The following KCNH1 variants were observed in gnomAD, a reference collection of about 807,000 sequenced individuals.
KCNH1 encodes the protein potassium voltage-gated channel subfamily H member 1, also known as voltage-gated delayed rectifier potassium channel KCNH1.
Under a neutral mutation model 69.2 loss-of-function variants are expected in KCNH1, and 27 were observed. The observed-to-expected ratio is 0.39, with a 90% CI of 0.29 to 0.54. The LOEUF (loss-of-function observed/expected upper bound fraction) is 0.54, where lower values mean the gene tolerates loss of function less well. Ranked by LOEUF, KCNH1 falls within the 20% of genes least tolerant of loss-of-function variation. KCNH1 has a pLI of 0.68. For missense variants in KCNH1, 798 were observed against 1,261.6 expected, an observed-to-expected ratio of 0.63 and a Z score of 5.57; for synonymous variants, 456 against 487.7, an observed-to-expected ratio of 0.93 and a Z score of 0.86.
intron 10 of KCNH1, among the ~76,000 whole-genome samples, chr1:210,736,636 A>C (rs1286619254): frequency 1.3e-5 from 2 of 152,218 alleles, no homozygotes; most frequent in Admixed American, 1.3e-4. Flanking sequence ...GATGGGAAAC[A>C]GATACAGAGA....
chr1:210,696,661 G>A (rs1467910690), intron 10 of KCNH1, among the ~76,000 whole-genome samples: 2 of 152,196 alleles, frequency 1.3e-5, no homozygotes, highest in African/African-American at 4.8e-5. Context: ...ACTGGCTAAT[G>A]TCACCCTTGC....
chr1:211,128,564 C>T (rs192755358), intron 1 of KCNH1, among the ~76,000 whole-genome samples: 117 of 152,072 alleles, frequency 7.7e-4, no homozygotes, highest in African/African-American at 2.7e-3. Flanking sequence ...ATCAGGAAGG[C>T]TTTGGGGGCT....
At chr1:210,985,720 G>A (rs1688817584) in intron 6 of KCNH1, among the ~76,000 whole-genome samples, 1 of 152,126 alleles carries the variant, frequency 6.6e-6, no homozygotes, top group Non-Finnish European at 1.5e-5. Context: ...GTCAATTTTG[G>A]AACAGGTGTG....
Position 211,018,737 on chromosome 1 carries a change from C to T in KCNH1, c.1032+46G>A, listed in dbSNP as rs184685041. On this transcript the variant is annotated intron_variant, in intron 6 of 10. Transcript: ENST00000271751. ...TTCTGTTGACCACCCACATTTAACT[C>T]AGTTTTAAAGACATGACAACAAGGT... The T allele has an allele frequency of 5.5e-6, 8 of 1,446,636 alleles. No homozygotes were observed. In the East Asian group the frequency reaches 1.6e-4, roughly 29 times the overall value. The allele number at this position is 1,446,636 out of a possible 1,614,324, so 89.6% of individuals were successfully genotyped here.
rs147994615 is a variant in KCNH1 at position 211,067,381 on chromosome 1, G to A, written c.558+15399C>T. Among the ~76,000 whole-genome samples, 246 of 152,300 alleles carry A rather than the reference G, an allele frequency of 1.6e-3. 1 individual carries two copies. Among genetic ancestry groups the A allele is most frequent in the African/African-American group, 5.7e-3 (235 of 41,566 alleles). On this transcript the variant is annotated intron_variant, in intron 5 of 10. Transcript: ENST00000271751. ...GAGCTTCCAGTGAGCACCCACCCACGACAAAGCAAGAAGGTGGCTAAGGGC... is the reference window on the plus strand; with the variant it reads ...GAGCTTCCAGTGAGCACCCACCCACAACAAAGCAAGAAGGTGGCTAAGGGC...
At chr1:210,879,510 T>A (rs1248252839) in intron 7 of KCNH1, among the ~76,000 whole-genome samples, 1 of 152,030 alleles carries the variant, frequency 6.6e-6, no homozygotes, top group South Asian at 2.1e-4. Flanking sequence ...AAAAATCACA[T>A]GATTATATCA....
At chr1:210,857,460 G>C (rs1416618915) in intron 7 of KCNH1, among the ~76,000 whole-genome samples, 1 of 152,070 alleles carries the variant, frequency 6.6e-6, no homozygotes, top group Non-Finnish European at 1.5e-5. Context: ...GCATGGGGGT[G>C]GGGGTGAGGG....
intron 6 of KCNH1, among the ~76,000 whole-genome samples, chr1:210,964,335 G>T (rs1259986716): frequency 6.6e-6 from 1 of 152,052 alleles, no homozygotes; most frequent in Non-Finnish European, 1.5e-5. Flanking sequence ...GCAAAATCAT[G>T]CCAAATTGTA....
intron 7 of KCNH1, among the ~76,000 whole-genome samples, chr1:210,826,623 T>C (rs1327428018): frequency 6.6e-6 from 1 of 152,214 alleles, no homozygotes; most frequent in Non-Finnish European, 1.5e-5. Context: ...AGAAAAAAGC[T>C]AGCAACCCCC....
chr1:210,837,480 A>G lies in KCNH1; in HGVS notation c.1463-33314T>C, dbSNP rs1298673369. 2.0e-5 allele frequency among the ~76,000 whole-genome samples: 3 copies of G among 152,198 alleles called. No individual in the cohort carries two copies. The South Asian group carries it at 6.2e-4, about 32-fold the overall frequency. Reference sequence around the variant, plus strand: ...TAGGGACTCAGCAAATGAGTTCAATAAAATAGCGACCTGAAGATCCATGAC... The same window carrying G: ...TAGGGACTCAGCAAATGAGTTCAATGAAATAGCGACCTGAAGATCCATGAC... On this transcript the variant is annotated intron_variant, in intron 7 of 10. Coordinates refer to ENST00000271751, the MANE Select transcript of KCNH1 (RefSeq NM_172362.3).
chr1:210,801,699 T>A (rs960120565), intron 8 of KCNH1, among the ~76,000 whole-genome samples: 2 of 152,192 alleles, frequency 1.3e-5, no homozygotes, highest in South Asian at 2.1e-4. Context: ...AAAGGAGCCC[T>A]AGGGCAGAGA....
chr1:211,061,797 G>A (rs571315306), intron 5 of KCNH1, among the ~76,000 whole-genome samples: 36 of 152,076 alleles, frequency 2.4e-4, no homozygotes, highest in Admixed American at 1.1e-3. Context: ...ACAAAACATT[G>A]AGGCAAGAAA....
At chr1:210,954,232 A>G (rs540518188) in intron 6 of KCNH1, among the ~76,000 whole-genome samples, 1 of 152,286 alleles carries the variant, frequency 6.6e-6, no homozygotes, top group East Asian at 1.9e-4. Flanking sequence ...AAAGGGCATG[A>G]ACTCATCATT....
At chr1:211,027,532 C>T (rs1235609611) in intron 5 of KCNH1, among the ~76,000 whole-genome samples, 2 of 150,872 alleles carry the variant, frequency 1.3e-5, no homozygotes, top group Admixed American at 6.6e-5. Context: ...TGAGCCCAGG[C>T]GGTTGAGGCA....
At chr1:211,092,482 T>C (rs556869951) in intron 3 of KCNH1, among the ~76,000 whole-genome samples, 2 of 152,352 alleles carry the variant, frequency 1.3e-5, no homozygotes, top group African/African-American at 4.8e-5. Context: ...TAACCTTCTT[T>C]CCATTCTCTT....
At chr1:210,857,780 T>C (rs1162294387) in intron 7 of KCNH1, among the ~76,000 whole-genome samples, 1 of 152,192 alleles carries the variant, frequency 6.6e-6, no homozygotes, top group Non-Finnish European at 1.5e-5. Flanking sequence ...ATGTTTAAGA[T>C]CAATAAAGGC....
At chr1:210,937,840 C>T (rs989888151) in intron 6 of KCNH1, among the ~76,000 whole-genome samples, 2 of 152,222 alleles carry the variant, frequency 1.3e-5, no homozygotes, top group East Asian at 1.9e-4. Context: ...TCCCCTGGTT[C>T]CCAAAGCACC....
At chr1:210,860,837 A>G (rs969129501) in intron 7 of KCNH1, 2 of 909,860 alleles carry the variant, frequency 2.2e-6, no homozygotes, top group Non-Finnish European at 3.7e-6. Flanking sequence ...TCACAAAAAT[A>G]GTGAAGTACT....
intron 7 of KCNH1, among the ~76,000 whole-genome samples, chr1:210,867,021 C>A (rs895809157): frequency 6.6e-6 from 1 of 151,904 alleles, no homozygotes; most frequent in Non-Finnish European, 1.5e-5. Flanking sequence ...CAAAAGACCA[C>A]ATATTGTACA....
Sources: gnomAD v4.1 joint callset for allele counts (sites outside exome capture counted in the v4.1 genomes callset) on GRCh38, gnomAD v4.1.1 for gene constraint, MANE v1.5 for transcripts, NCBI Gene and HGNC (gene_info 2026-07-23, HGNC 2026-07-21) for gene names.